SPDEF: variants seen among roughly 807,000 people sequenced by gnomAD.
SPDEF encodes the protein SAM pointed domain-containing Ets transcription factor.
A neutral mutation model predicts 36.0 loss-of-function variants in SPDEF; 12 were observed. The ratio of observed to expected loss-of-function variants is 0.33; its 90% CI spans 0.21 to 0.54. The LOEUF (loss-of-function observed/expected upper bound fraction) is 0.54. Among genes scored for constraint, SPDEF ranks in the 20% least tolerant of loss-of-function variants. The probability of loss-of-function intolerance (pLI) is 0.93; values close to 1 mark genes in which losing one functional copy is unlikely to be tolerated. For synonymous variants in SPDEF, 205 were observed against 193.0 expected, an observed-to-expected ratio of 1.06 and a Z score of -0.51; for missense variants, 388 against 456.9, an observed-to-expected ratio of 0.85 and a Z score of 1.37.
intron 1 of SPDEF, among the ~76,000 whole-genome samples, chr6:34,553,827 A>G (rs939045080): frequency 6.6e-6 from 1 of 152,004 alleles, no homozygotes; most frequent in Admixed American, 6.6e-5. Flanking sequence ...TCTCTAGCCC[A>G]GTCCAGGCAG....
Position 34,538,842 on chromosome 6 carries a change from C to T in SPDEF, c.830-390G>A, listed in dbSNP as rs1767750337. ...CCTGTGTGGCTCCCAGCAGTGCCCA[C>T]GGCTCACTTGGCAAGAGCATCCCTT... On this transcript the variant is annotated intron_variant, in intron 5 of 5. Transcript: ENST00000374037. The surrounding 1 kb of genome is among the most constrained non-coding windows in gnomAD (Gnocchi z 5.9). Among the ~76,000 whole-genome samples the T allele has an allele frequency of 6.6e-6, 1 of 152,186 alleles. No individual in the cohort carries two copies. The highest frequency in any genetic ancestry group is 6.5e-5 in the Admixed American group (1 of 15,282).
chr6:34,540,190 C>T (rs1280758941), intron 3 of SPDEF, among the ~76,000 whole-genome samples: 4 of 152,074 alleles, frequency 2.6e-5, no homozygotes, highest in Non-Finnish European at 5.9e-5. Flanking sequence ...GACTCAGCTA[C>T]TCAGGAGATT....
Position 34,538,843 on chromosome 6 carries a change from G to A in SPDEF, c.830-391C>T, listed in dbSNP as rs116973567. Among the ~76,000 whole-genome samples, 149 of 152,280 alleles carry A rather than the reference G, an allele frequency of 9.8e-4. 1 individual carries two copies. The East Asian group carries it at 0.022, about 22-fold the overall frequency. On this transcript the variant is annotated intron_variant, in intron 5 of 5. Transcript: ENST00000374037. The surrounding 1 kb of genome is among the most constrained non-coding windows in gnomAD (Gnocchi z 5.9). ...CTGTGTGGCTCCCAGCAGTGCCCAC[G>A]GCTCACTTGGCAAGAGCATCCCTTC...
rs754670906 is a variant in SPDEF, at chr6:34,544,125, C to T, written c.331G>A (p.Gly111Arg). ...AGCGAGTGCTCCTCCAAGGTCAGCC[C>T]GCCGGGCACCAAGTCCAGGCTGCCC... is the stretch of plus-strand genomic sequence containing the variant. ...PAGSLDLVPG[G>R]LTLEEHSLEQ... Residue 111 changes from glycine (G) to arginine (R), a missense_variant, in exon 2 of 6, where the codon GGG becomes AGG. Coordinates refer to ENST00000374037, the MANE Select transcript of SPDEF (RefSeq NM_012391.3). The surrounding 1 kb of genome is among the most constrained non-coding windows in gnomAD (Gnocchi z 4.4). The T allele has an allele frequency of 8.7e-6, 14 of 1,613,836 alleles. No homozygotes were observed. Among genetic ancestry groups the T allele is most frequent in the East Asian group, 2.2e-5 (1 of 44,880 alleles).
intron 1 of SPDEF, among the ~76,000 whole-genome samples, chr6:34,545,323 G>A (rs994335103): frequency 3.3e-5 from 5 of 152,262 alleles, no homozygotes; most frequent in African/African-American, 1.2e-4. Context: ...GAGCCAGGGT[G>A]GTTGTGAGAT....
At chr6:34,545,048 G>T (rs994367599) in intron 1 of SPDEF, among the ~76,000 whole-genome samples, 2 of 152,222 alleles carry the variant, frequency 1.3e-5, no homozygotes, top group Non-Finnish European at 2.9e-5. Context: ...ACGCCGGGGA[G>T]TAGGCCAGCC....
At position 34,544,421 on chromosome 6, in the gene SPDEF, G is replaced by C; in HGVS notation, c.35C>G (p.Ser12Cys). ...GGGGGGCAGCAGGAGGTGGCTGGGGGATACGCTGCTCAGACCCGGGCTGGC... is the reference window on the plus strand; with the variant it reads ...GGGGGGCAGCAGGAGGTGGCTGGGGCATACGCTGCTCAGACCCGGGCTGGC... ...GSASPGLSSV[S>C]PSHLLLPPDT... is the part of the protein sequence containing the mutation. Residue 12 changes from serine (S) to cysteine (C), a missense_variant, in exon 2 of 6, where the codon TCC becomes TGC. This residue lies in a region of SPDEF where 308 missense variants were observed against 326.1 expected (regional missense o/e 0.94). Coordinates refer to ENST00000374037, the MANE Select transcript of SPDEF (RefSeq NM_012391.3). This position sits in a 1 kb window ranked among gnomAD's most constrained non-coding sequence, Gnocchi z 4.4. The C allele has an allele frequency of 6.3e-7, 1 of 1,582,864 alleles. No homozygotes were observed. The highest frequency in any genetic ancestry group is 1.3e-5 in the African/African-American group (1 of 74,608).
chr6:34,547,693 C>T (rs1767982946), intron 1 of SPDEF, among the ~76,000 whole-genome samples: 1 of 152,166 alleles, frequency 6.6e-6, no homozygotes, highest in Non-Finnish European at 1.5e-5. Flanking sequence ...CCCTACTTTG[C>T]TAATGGGGAA....
rs1767911722 is a variant in SPDEF at position 34,544,545 on chromosome 6, G to A, written c.-29-61C>T. The A allele has an allele frequency of 5.2e-6, 7 of 1,346,950 alleles. No homozygotes were observed. The highest frequency in any genetic ancestry group is 6.9e-6 in the Non-Finnish European group (7 of 1,018,474). The allele number at this position is 1,346,950 out of a possible 1,614,324, so 83.4% of individuals were successfully genotyped here. The stretch of plus-strand genomic sequence containing the variant: ...TCTCCATCCCTGTGGGGGCCGCTAA[G>A]CTGGTTATGGGGATGAGGGGCCCTG... On this transcript the variant is annotated intron_variant, in intron 1 of 5. Transcript: ENST00000374037. The surrounding 1 kb of genome is among the most constrained non-coding windows in gnomAD (Gnocchi z 4.4).
intron 1 of SPDEF, among the ~76,000 whole-genome samples, chr6:34,545,253 G>A (rs755877863): frequency 6.6e-6 from 1 of 152,190 alleles, no homozygotes; most frequent in Non-Finnish European, 1.5e-5. Context: ...TACTTTCCCC[G>A]ATGCCTGGAG....
intron 1 of SPDEF, among the ~76,000 whole-genome samples, chr6:34,550,415 G>T (rs1768035220): frequency 6.6e-6 from 1 of 152,120 alleles, no homozygotes; most frequent in South Asian, 2.1e-4. Flanking sequence ...GCCACCTCGG[G>T]CCAGCAGCTC....
In SPDEF at chr6:34,552,136, C is replaced by T. The variant is rs944304934; in HGVS notation, c.-30+3793G>A. On this transcript the variant is annotated intron_variant, in intron 1 of 5. Coordinates refer to ENST00000374037, the MANE Select transcript of SPDEF (RefSeq NM_012391.3). The surrounding 1 kb of genome is among the most constrained non-coding windows in gnomAD (Gnocchi z 4.6). ...TGGCTGCCCCTCTCTGGCACAGTCT[C>T]GTCCTCACCCCCAAATCGCCGGTAC... Among the ~76,000 whole-genome samples, 13 of 152,156 alleles carry T rather than the reference C, an allele frequency of 8.5e-5. No individual in the cohort carries two copies. Among genetic ancestry groups the T allele is most frequent in the African/African-American group, 2.7e-4 (11 of 41,422 alleles).
At position 34,544,341 on chromosome 6, in the gene SPDEF, C is replaced by T. The variant is rs139080368; in HGVS notation, c.115G>A (p.Glu39Lys). The T allele has an allele frequency of 2.5e-5, 40 of 1,607,054 alleles. No individual in the cohort carries two copies. The highest frequency in any genetic ancestry group is 1.7e-4 in the Middle Eastern group (1 of 6,046). The stretch of plus-strand genomic sequence containing the variant: ...GGACTGGGACTCCAGTCCCGTCTCT[C>T]GAGACCCACTGCCCCCGCTGCCGCC... ...EKAAAGAVGLERRDWSPSPPA... is the reference protein window; with the variant it reads ...EKAAAGAVGLKRRDWSPSPPA... Residue 39 changes from glutamate (E) to lysine (K), a missense_variant, in exon 2 of 6, where the codon GAG (glutamate) becomes AAG (lysine). Transcript: ENST00000374037. This position sits in a 1 kb window ranked among gnomAD's most constrained non-coding sequence, Gnocchi z 4.4.
intron 1 of SPDEF, among the ~76,000 whole-genome samples, chr6:34,546,631 C>A (rs1161756344): frequency 2.0e-5 from 3 of 152,146 alleles, no homozygotes; most frequent in Non-Finnish European, 2.9e-5. Context: ...GCCCACCCTC[C>A]TTGTGCAGTG....
chr6:34,539,145 C>T lies in SPDEF; in HGVS notation c.829+105G>A. ...CATCTAGGACAAAGGTGGGGATCAG[C>T]TTCACCCCTCTGCCCGCCCCTGCCC... On this transcript the variant is annotated intron_variant, in intron 5 of 5. Transcript: ENST00000374037. The surrounding 1 kb of genome is among the most constrained non-coding windows in gnomAD (Gnocchi z 5.2). 1 of 1,362,302 alleles carries T rather than the reference C, an allele frequency of 7.3e-7. No homozygotes were observed. Among genetic ancestry groups the T allele is most frequent in the Non-Finnish European group, 1.0e-6 (1 of 986,342 alleles). The allele number at this position is 1,362,302 out of a possible 1,614,324, so 84.4% of individuals were successfully genotyped here.
chr6:34,546,289 A>C (rs1767951904), intron 1 of SPDEF, among the ~76,000 whole-genome samples: 1 of 152,122 alleles, frequency 6.6e-6, no homozygotes, highest in South Asian at 2.1e-4. Flanking sequence ...CTTTAAAGGT[A>C]ACTGGCCAGT....
chr6:34,552,180 C>G lies in SPDEF; in HGVS notation c.-30+3749G>C, dbSNP rs895224846. Among the ~76,000 whole-genome samples, 20 of 152,224 alleles carry G rather than the reference C, an allele frequency of 1.3e-4. No individual in the cohort carries two copies. The highest frequency in any genetic ancestry group is 3.4e-3 in the Middle Eastern group (1 of 294). On this transcript the variant is annotated intron_variant, in intron 1 of 5. Coordinates refer to ENST00000374037, the MANE Select transcript of SPDEF (RefSeq NM_012391.3). This position sits in a 1 kb window ranked among gnomAD's most constrained non-coding sequence, Gnocchi z 4.6. The stretch of plus-strand genomic sequence containing the variant: ...CCGGTACACTCCTTGAAGGGCCGGC[C>G]ACAGTACCTTCCCTCTTCCCTACCC...
At position 34,555,655 on chromosome 6, in the gene SPDEF, A is replaced by AGGCTGGGCC. The variant is rs1768151979; in HGVS notation, c.-30+273_-30+274insGGCCCAGCC. Reference sequence around the variant, plus strand: ...ACGGCGGCCTCCCCTCAGGCTGGGCAGACTGGGCTCAGTGTGGGGGACCCC... The same window carrying AGGCTGGGCC: ...ACGGCGGCCTCCCCTCAGGCTGGGCAGGCTGGGCCGACTGGGCTCAGTGTGGGGGACCCC... On this transcript the variant is annotated intron_variant, in intron 1 of 5. Transcript: ENST00000374037. The surrounding 1 kb of genome is among the most constrained non-coding windows in gnomAD (Gnocchi z 5.2). Among the ~76,000 whole-genome samples the AGGCTGGGCC allele has an allele frequency of 1.3e-5, 2 of 151,852 alleles. No individual in the cohort carries two copies. Among genetic ancestry groups the AGGCTGGGCC allele is most frequent in the Non-Finnish European group, 2.9e-5 (2 of 67,924 alleles).
chr6:34,543,749 G>A (rs929436390), intron 2 of SPDEF, among the ~76,000 whole-genome samples: 26 of 152,314 alleles, frequency 1.7e-4, no homozygotes, highest in African/African-American at 6.0e-4. Context: ...AAGTCCAAGA[G>A]GAGGTGGGGG....
Sources: allele counts gnomAD v4.1 joint callset (sites outside exome capture counted in the v4.1 genomes callset), GRCh38; gene constraint gnomAD v4.1.1; regional missense constraint gnomAD v4.1.1; non-coding constraint Gnocchi (gnomAD v3.1); transcripts MANE v1.5; gene names NCBI Gene and HGNC (gene_info 2026-07-23, HGNC 2026-07-21).